The following PLEKHA2 variants were observed in gnomAD, a reference collection of about 807,000 sequenced individuals.
PLEKHA2 encodes pleckstrin homology domain containing A2, also known as pleckstrin homology domain-containing family A member 2.
Under a neutral mutation model 53.2 loss-of-function variants are expected in PLEKHA2, and 28 were observed. The observed-to-expected ratio is 0.53, with a 90% CI of 0.39 to 0.72. The LOEUF is 0.72. Among genes scored for constraint, PLEKHA2 ranks in the 30% least tolerant of loss-of-function variants. The pLI is 0.00. For missense variants in PLEKHA2, 426 were observed against 537.9 expected (o/e 0.79, Z 2.06); for synonymous variants, 193 against 196.4 (o/e 0.98, Z 0.14).
At chr8:38,920,402 C>CCCGT in intron 2 of PLEKHA2, among the ~76,000 whole-genome samples, 1 of 152,132 alleles carries the variant, frequency 6.6e-6, no homozygotes, top group South Asian at 2.1e-4. Context: ...TATCTGCCCA[C>CCCGT]CTTGGCCTCC....
At chr8:38,952,124 T>C (rs751366578) in intron 6 of PLEKHA2, 42 bp from the exon 7 acceptor site, 33 of 1,590,850 alleles carry the variant, frequency 2.1e-5, no homozygotes, top group Middle Eastern at 1.9e-4. Flanking sequence ...TGTGGCTGCA[T>C]AGAGGGAGGG....
intron 1 of PLEKHA2, among the ~76,000 whole-genome samples, chr8:38,914,532 C>G (rs988718982): frequency 1.3e-5 from 2 of 152,258 alleles, no homozygotes; most frequent in Admixed American, 1.3e-4. Context: ...CATCTCACAA[C>G]TTTGTGTGGC....
At chr8:38,954,974 C>T (rs1316865215) in intron 9 of PLEKHA2, among the ~76,000 whole-genome samples, 1 of 152,186 alleles carries the variant, frequency 6.6e-6, no homozygotes, top group Admixed American at 6.5e-5. Context: ...GCGGAGGTTG[C>T]AGTGAGCCAA....
At chr8:38,962,673 A>G (rs1187563884) in intron 10 of PLEKHA2, among the ~76,000 whole-genome samples, 1 of 152,248 alleles carries the variant, frequency 6.6e-6, no homozygotes, top group African/African-American at 2.4e-5. Flanking sequence ...TAGAATGTCA[A>G]GGGAATTAGG....
At chr8:38,957,269 G>C in intron 9 of PLEKHA2, 54 bp from the exon 10 acceptor site, 1 of 1,449,112 alleles carries the variant, frequency 6.9e-7, no homozygotes. Context: ...GACATATCGA[G>C]TCCTCTCTGA....
At position 38,950,505 on chromosome 8, in the gene PLEKHA2, G is replaced by GTT. The variant is rs77632516; in HGVS notation, c.346-337_346-336dup. ...TTTGTAATTACTCTGTTTGTTTTAC[G>GTT]TTTTTTTTTGTCATTCCCCCTACTA... is the stretch of plus-strand genomic sequence containing the variant. On this transcript the variant is annotated intron_variant, in intron 5 of 11. Transcript: ENST00000617275. 385 of 181,420 alleles carry GTT rather than the reference G, an allele frequency of 2.1e-3. 1 individual carries two copies. Among genetic ancestry groups the GTT allele is most frequent in the Middle Eastern group, 4.8e-3 (2 of 414 alleles). The allele number at this position is 181,420 out of a possible 1,614,324, so 11.2% of individuals were successfully genotyped here. A position where few individuals can be genotyped will look rare whatever the true frequency, so the allele number is the denominator to read the frequency against.
chr8:38,941,079 C>CA (rs1834603534), intron 3 of PLEKHA2, among the ~76,000 whole-genome samples: 1 of 140,164 alleles, frequency 7.1e-6, no homozygotes, highest in African/African-American at 2.7e-5. Flanking sequence ...TTTTTAAAGA[C>CA]AGAGTCTCGC....
intron 10 of PLEKHA2, among the ~76,000 whole-genome samples, chr8:38,959,671 T>C (rs1238877354): frequency 6.6e-6 from 1 of 152,080 alleles, no homozygotes; most frequent in African/African-American, 2.4e-5. Context: ...AATAATTTAG[T>C]GAAGGATAAA....
chr8:38,933,102 C>T (rs1379983132), intron 2 of PLEKHA2, among the ~76,000 whole-genome samples: 2 of 152,218 alleles, frequency 1.3e-5, no homozygotes, highest in East Asian at 3.8e-4. Flanking sequence ...CCGAATGGTT[C>T]CCCAAATCCC....
rs925047233 is a variant in PLEKHA2 at position 38,972,581 on chromosome 8, C to T, written c.*2798C>T. On this transcript the variant is annotated 3_prime_UTR_variant, in exon 12 of 12. Coordinates refer to ENST00000617275, the MANE Select transcript of PLEKHA2 (RefSeq NM_021623.2). ...ATTCCTAAATTGTATTTCAAACTTC[C>T]TATTTTGTTGATATTTCTTAACTTC... The T allele has an allele frequency of 2.6e-5, 4 of 152,168 alleles. No homozygotes were observed. Among genetic ancestry groups the T allele is most frequent in the African/African-American group, 9.7e-5 (4 of 41,438 alleles). The allele number at this position is 152,168 out of a possible 1,614,324, so 9.4% of individuals were successfully genotyped here.
rs554618780 is a variant in PLEKHA2, at chr8:38,923,551, A to C, written c.141+5481A>C. On this transcript the variant is annotated intron_variant, in intron 2 of 11. Coordinates refer to ENST00000617275, the MANE Select transcript of PLEKHA2 (RefSeq NM_021623.2). ...CCTTTTATCCTTTCATTTCCTGAGA[A>C]TAGAAGGAGATCCTGGAGTTCAACA... 4.6e-5 allele frequency among the ~76,000 whole-genome samples: 7 copies of C among 152,328 alleles called. No homozygotes were observed. In the South Asian group the frequency reaches 1.4e-3, roughly 32 times the overall value.
intron 9 of PLEKHA2, among the ~76,000 whole-genome samples, chr8:38,954,985 G>A (rs1326891939): frequency 1.3e-5 from 2 of 152,220 alleles, no homozygotes; most frequent in Non-Finnish European, 2.9e-5. Context: ...AGTGAGCCAA[G>A]ATCGTGCCAC....
chr8:38,928,477 G>A (rs1834328055), intron 2 of PLEKHA2, among the ~76,000 whole-genome samples: 1 of 151,984 alleles, frequency 6.6e-6, no homozygotes, highest in African/African-American at 2.4e-5. Context: ...TTGAACTCCT[G>A]ACCTCAAGTG....
At chr8:38,929,908 G>A (rs912319282) in intron 2 of PLEKHA2, among the ~76,000 whole-genome samples, 6 of 152,186 alleles carry the variant, frequency 3.9e-5, no homozygotes, top group African/African-American at 1.4e-4. Context: ...TCATTTCTGT[G>A]TTCTTTGTGA....
intron 2 of PLEKHA2, among the ~76,000 whole-genome samples, chr8:38,930,244 C>T (rs766940452): frequency 1.3e-5 from 2 of 152,064 alleles, no homozygotes; most frequent in Admixed American, 6.6e-5. Context: ...CTCTGTCACC[C>T]GGGCTGGAGT....
intron 5 of PLEKHA2, among the ~76,000 whole-genome samples, chr8:38,947,060 GTA>G (rs1834728620): frequency 6.6e-6 from 1 of 152,200 alleles, no homozygotes; most frequent in Non-Finnish European, 1.5e-5. Flanking sequence ...CACGTATATA[GTA>G]TTCATATTGC....
At chr8:38,941,203 T>C (rs906849567) in intron 3 of PLEKHA2, among the ~76,000 whole-genome samples, 2 of 152,074 alleles carry the variant, frequency 1.3e-5, no homozygotes, top group African/African-American at 4.8e-5. Context: ...ATTACAGGCA[T>C]GTGCCACCAC....
At chr8:38,933,875 A>AT (rs1191331360) in intron 2 of PLEKHA2, among the ~76,000 whole-genome samples, 1 of 151,736 alleles carries the variant, frequency 6.6e-6, no homozygotes, top group Non-Finnish European at 1.5e-5. Context: ...CACAGTTCAT[A>AT]TACAAATCTG....
intron 1 of PLEKHA2, among the ~76,000 whole-genome samples, chr8:38,914,066 C>A (rs569139915): frequency 6.6e-6 from 1 of 150,950 alleles, no homozygotes; most frequent in Non-Finnish European, 1.5e-5. Context: ...CATGGTTGAT[C>A]CTTCTCACCA....
Sources: gnomAD v4.1 joint callset for allele counts (sites outside exome capture counted in the v4.1 genomes callset) on GRCh38, gnomAD v4.1.1 for gene constraint, MANE v1.5 for transcripts, NCBI Gene and HGNC (gene_info 2026-07-23, HGNC 2026-07-21) for gene names.